Variants in AKAP7 observed in about 807,000 individuals in gnomAD.
The protein encoded by AKAP7 is A-kinase anchoring protein 7.
A neutral mutation model predicts 39.5 loss-of-function variants in AKAP7; 39 were observed. The observed-to-expected ratio is 0.99, with a 90% CI of 0.76 to 1.29. The LOEUF is 1.29. AKAP7 is among the 50% of genes most tolerant of loss of function. The pLI is 0.00. For missense variants in AKAP7, 414 were observed against 407.7 expected, an observed-to-expected ratio of 1.02 and a Z score of -0.13; for synonymous variants, 140 against 139.1, an observed-to-expected ratio of 1.01 and a Z score of -0.05.
chr6:131,253,693 T>TATTTATTG (rs1329399909), intron 7 of AKAP7, among the ~76,000 whole-genome samples: 1 of 146,378 alleles, frequency 6.8e-6, no homozygotes, highest in African/African-American at 2.5e-5. Context: ...TTTATTTATT[T>TATTTATTG]ATAAGCTCCA....
intron 7 of AKAP7, among the ~76,000 whole-genome samples, chr6:131,228,377 CG>C (rs1327469289): frequency 1.3e-5 from 2 of 152,072 alleles, no homozygotes; most frequent in Non-Finnish European, 2.9e-5. Flanking sequence ...GGGGCATTGG[CG>C]ATAGATATGT....
chr6:131,164,317 A>T, intron 3 of AKAP7: 1 of 452,944 alleles, frequency 2.2e-6, no homozygotes, highest in South Asian at 1.6e-5. Flanking sequence ...TTTCAAATGT[A>T]CTCACATTTA....
intron 5 of AKAP7, among the ~76,000 whole-genome samples, chr6:131,190,540 G>T (rs1342139622): frequency 6.6e-6 from 1 of 151,826 alleles, no homozygotes; most frequent in African/African-American, 2.4e-5. Flanking sequence ...TACTCAAGTG[G>T]CTGAGGCACA....
At chr6:131,151,043 A>G (rs917248030) in intron 2 of AKAP7, among the ~76,000 whole-genome samples, 1 of 149,898 alleles carries the variant, frequency 6.7e-6, no homozygotes, top group Non-Finnish European at 1.5e-5. Context: ...TCCTCTTAGA[A>G]TTTTTTTTTT....
At chr6:131,164,074 T>A (rs1803238643) in intron 3 of AKAP7, among the ~76,000 whole-genome samples, 1 of 152,116 alleles carries the variant, frequency 6.6e-6, no homozygotes, top group African/African-American at 2.4e-5. Context: ...ATGGGAACAT[T>A]GTTCAGGATA....
intron 7 of AKAP7, among the ~76,000 whole-genome samples, chr6:131,243,073 C>G (rs1230385785): frequency 3.9e-5 from 6 of 152,080 alleles, no homozygotes; most frequent in African/African-American, 1.4e-4. Context: ...CCATGGGGGA[C>G]AGTGGGTGAC....
intron 7 of AKAP7, among the ~76,000 whole-genome samples, chr6:131,260,287 T>C (rs1813207997): frequency 6.6e-6 from 1 of 152,306 alleles, no homozygotes; most frequent in African/African-American, 2.4e-5. Context: ...ATCTTTATAA[T>C]AGAATGATTT....
At chr6:131,185,179 TG>T in intron 5 of AKAP7, 1 of 510,130 alleles carries the variant, frequency 2.0e-6, no homozygotes, top group Admixed American at 2.7e-5. Context: ...TTCTTCAGGG[TG>T]GGGTCTGTGT....
chr6:131,149,045 A>G (rs1284067497), intron 2 of AKAP7, among the ~76,000 whole-genome samples: 1 of 152,220 alleles, frequency 6.6e-6, no homozygotes, highest in African/African-American at 2.4e-5. Flanking sequence ...CATCATGGGA[A>G]GGGGAATCCT....
intron 7 of AKAP7, among the ~76,000 whole-genome samples, chr6:131,256,583 G>A (rs2128323063): frequency 6.6e-6 from 1 of 152,290 alleles, no homozygotes; most frequent in Non-Finnish European, 1.5e-5. Context: ...TCCTTCAGCA[G>A]TGTGATGTGG....
intron 5 of AKAP7, among the ~76,000 whole-genome samples, chr6:131,179,622 C>G (rs1804934927): frequency 6.6e-6 from 1 of 152,176 alleles, no homozygotes; most frequent in South Asian, 2.1e-4. Flanking sequence ...AATCCCAGCA[C>G]TCTGGGGGCC....
chr6:131,257,065 A>AT (rs962481505), intron 7 of AKAP7, among the ~76,000 whole-genome samples: 7 of 152,140 alleles, frequency 4.6e-5, no homozygotes, highest in Middle Eastern at 3.4e-3. Flanking sequence ...CTTCTCTAAG[A>AT]TTTTTTTCTG....
chr6:131,220,477 A>C (rs1313549459), intron 7 of AKAP7, among the ~76,000 whole-genome samples: 1 of 152,198 alleles, frequency 6.6e-6, no homozygotes, highest in African/African-American at 2.4e-5. Context: ...ATTCAGATTT[A>C]TTATTTCAAA....
intron 6 of AKAP7, among the ~76,000 whole-genome samples, chr6:131,202,951 G>C (rs1435428378): frequency 6.6e-6 from 1 of 152,080 alleles, no homozygotes; most frequent in East Asian, 1.9e-4. Flanking sequence ...CGTACTGGTT[G>C]AAGCTTCAGA....
chr6:131,141,670 G>A (rs1801041320), intron 1 of AKAP7, among the ~76,000 whole-genome samples: 1 of 152,166 alleles, frequency 6.6e-6, no homozygotes, highest in Admixed American at 6.5e-5. Context: ...TTAAAGACTG[G>A]TTAAGTGGTT....
intron 2 of AKAP7, among the ~76,000 whole-genome samples, chr6:131,152,889 G>A (rs1198207141): frequency 6.6e-6 from 1 of 151,598 alleles, no homozygotes; most frequent in Admixed American, 6.6e-5. Context: ...AGCACTTTGG[G>A]AGGCCAGGGC....
chr6:131,267,822 C>T (rs1298175594), intron 7 of AKAP7, among the ~76,000 whole-genome samples: 3 of 152,156 alleles, frequency 2.0e-5, no homozygotes, highest in African/African-American at 4.8e-5. Flanking sequence ...CCTTGTATAT[C>T]GTACATCTTT....
chr6:131,185,631 G>A (rs917300098), intron 5 of AKAP7: 45 of 159,450 alleles, frequency 2.8e-4, no homozygotes, highest in African/African-American at 7.7e-4. Context: ...TTTCTTCTAC[G>A]GAGAAATCCT....
chr6:131,272,674 T>C (rs1018248190), intron 7 of AKAP7, among the ~76,000 whole-genome samples: 2 of 152,224 alleles, frequency 1.3e-5, no homozygotes, highest in African/African-American at 4.8e-5. Context: ...TATCTTTCTG[T>C]TACTGATTTC....
Sources: gnomAD v4.1 joint callset for allele counts (sites outside exome capture counted in the v4.1 genomes callset) on GRCh38, gnomAD v4.1.1 for gene constraint, MANE v1.5 for transcripts, NCBI Gene and HGNC (gene_info 2026-07-23, HGNC 2026-07-21) for gene names.